The following ZNRF1 variants were observed in gnomAD, a reference collection of about 807,000 sequenced individuals.
ZNRF1 encodes the protein E3 ubiquitin-protein ligase ZNRF1.
Under a neutral mutation model 18.4 loss-of-function variants are expected in ZNRF1, and 3 were observed. The ratio of observed to expected loss-of-function variants is 0.16; its 90% CI spans 0.07 to 0.42. The LOEUF (loss-of-function observed/expected upper bound fraction) is 0.42. Among genes scored for constraint, ZNRF1 ranks in the 10% least tolerant of loss-of-function variants. The probability of loss-of-function intolerance (pLI) is 0.99; values close to 1 mark genes in which losing one functional copy is unlikely to be tolerated. For synonymous variants in ZNRF1, 157 were observed against 144.2 expected (o/e 1.09, Z -0.64); for missense variants, 310 against 329.8 (o/e 0.94, Z 0.47).
chr16:75,065,278 C>T (rs1455813110), intron 1 of ZNRF1, among the ~76,000 whole-genome samples: 1 of 152,190 alleles, frequency 6.6e-6, no homozygotes, highest in Admixed American at 6.5e-5. Flanking sequence ...GAGGCTCCTG[C>T]ACTGGGGTTT....
At chr16:75,037,154 A>C (rs1406454734) in intron 1 of ZNRF1, among the ~76,000 whole-genome samples, 1 of 152,254 alleles carries the variant, frequency 6.6e-6, no homozygotes, top group East Asian at 1.9e-4. Flanking sequence ...CATGATGAGC[A>C]GAATGGATGA....
At chr16:75,047,803 T>G (rs749239239) in intron 1 of ZNRF1, among the ~76,000 whole-genome samples, 9 of 152,208 alleles carry the variant, frequency 5.9e-5, no homozygotes, top group Non-Finnish European at 1.2e-4. Context: ...AAATGTATTT[T>G]CTCACAGTTC....
At chr16:75,081,538 A>G (rs2036012647) in intron 1 of ZNRF1, among the ~76,000 whole-genome samples, 1 of 152,134 alleles carries the variant, frequency 6.6e-6, no homozygotes, top group African/African-American at 2.4e-5. Context: ...AATTCAAGCC[A>G]CTCTAAGGAG....
At chr16:75,101,273 T>A (rs1415911097) in intron 2 of ZNRF1, among the ~76,000 whole-genome samples, 1 of 152,190 alleles carries the variant, frequency 6.6e-6, no homozygotes. Context: ...AACACCCTTA[T>A]TGCTGGGCGC....
rs34462287 is a variant in ZNRF1 at position 75,000,316 on chromosome 16, C to A, written c.424+221C>A. 341,489 of 735,756 alleles carry A rather than the reference C, an allele frequency of 0.46. 86,158 individuals are homozygous for A. Among genetic ancestry groups the A allele is most frequent in the Non-Finnish European group, 0.54 (227,478 of 418,638 alleles). The allele number at this position is 735,756 out of a possible 1,614,324, so 45.6% of individuals were successfully genotyped here. On this transcript the variant is annotated intron_variant, in intron 1 of 4. Coordinates refer to ENST00000335325, the MANE Select transcript of ZNRF1 (RefSeq NM_032268.5). ...GATTTAGGGACTCACGGCGTGTGTTCACTTGTGGAAGGGCAGAGCGAAGCC... is the reference window on the plus strand; with the variant it reads ...GATTTAGGGACTCACGGCGTGTGTTAACTTGTGGAAGGGCAGAGCGAAGCC...
In ZNRF1 at chr16:74,999,071, G is replaced by C. The variant is rs936904791; in HGVS notation, c.-601G>C. 6 of 149,942 alleles carry C rather than the reference G, an allele frequency of 4.0e-5. No homozygotes were observed. Among genetic ancestry groups the C allele is most frequent in the South Asian group, 2.0e-4 (1 of 5,010 alleles). The allele number at this position is 149,942 out of a possible 1,614,324, so 9.3% of individuals were successfully genotyped here. On this transcript the variant is annotated 5_prime_UTR_variant, in exon 1 of 5. Coordinates refer to ENST00000335325, the MANE Select transcript of ZNRF1 (RefSeq NM_032268.5). ...GCGCCGGCGAGCGCAGCCCGGGACCGAGCGGGGCGGCGCGGCTGGCGGGGC... is the reference window on the plus strand; with the variant it reads ...GCGCCGGCGAGCGCAGCCCGGGACCCAGCGGGGCGGCGCGGCTGGCGGGGC...
intron 1 of ZNRF1, among the ~76,000 whole-genome samples, chr16:75,086,980 G>T (rs1229432051): frequency 1.3e-5 from 2 of 152,156 alleles, no homozygotes; most frequent in Non-Finnish European, 2.9e-5. Context: ...AGGGAAACTG[G>T]AGCAACACGC....
intron 3 of ZNRF1, 71 bp from the exon 4 acceptor site, chr16:75,106,411 T>C (rs1397132875): frequency 7.0e-6 from 11 of 1,562,720 alleles, no homozygotes; most frequent in Non-Finnish European, 9.7e-6. Flanking sequence ...AATCTGGCCC[T>C]CTGAAAGAGC....
intron 1 of ZNRF1, among the ~76,000 whole-genome samples, chr16:75,076,087 T>C (rs937841257): frequency 1.1e-4 from 17 of 152,252 alleles, no homozygotes; most frequent in African/African-American, 2.9e-4. Flanking sequence ...TCATGAGATA[T>C]AGAGCCCTGG....
intron 1 of ZNRF1, among the ~76,000 whole-genome samples, chr16:75,025,104 G>A (rs1030580754): frequency 1.3e-5 from 2 of 152,070 alleles, no homozygotes; most frequent in Non-Finnish European, 2.9e-5. Flanking sequence ...GTTGCACTCT[G>A]TTGCCCAGGC....
chr16:75,014,744 C>A (rs2035045110), intron 1 of ZNRF1, among the ~76,000 whole-genome samples: 1 of 152,014 alleles, frequency 6.6e-6, no homozygotes, highest in Non-Finnish European at 1.5e-5. Context: ...GTGCTTATAC[C>A]AGTTTACACT....
intron 1 of ZNRF1, among the ~76,000 whole-genome samples, chr16:75,064,318 TTAAA>T: frequency 6.8e-6 from 1 of 146,980 alleles, no homozygotes; most frequent in South Asian, 2.2e-4. Context: ...ATAATAATAA[TTAAA>T]TAAACAAGAA....
intron 2 of ZNRF1, chr16:75,104,567 C>A: frequency 2.3e-6 from 1 of 434,470 alleles, no homozygotes; most frequent in Non-Finnish European, 4.2e-6. Flanking sequence ...AGATTAATCC[C>A]ATTTTGTCTT....
At chr16:75,007,459 C>T (rs1191589748) in intron 1 of ZNRF1, among the ~76,000 whole-genome samples, 2 of 152,150 alleles carry the variant, frequency 1.3e-5, no homozygotes, top group African/African-American at 4.8e-5. Flanking sequence ...CAGCTTTCCT[C>T]TGTTGGGAGA....
intron 1 of ZNRF1, among the ~76,000 whole-genome samples, chr16:75,042,841 G>C (rs550253197): frequency 6.6e-6 from 1 of 152,128 alleles, no homozygotes; most frequent in African/African-American, 2.4e-5. Context: ...CCTGAAATGG[G>C]CTCACTGCTC....
intron 1 of ZNRF1, among the ~76,000 whole-genome samples, chr16:75,007,983 G>A (rs1336161739): frequency 2.6e-5 from 4 of 152,126 alleles, no homozygotes; most frequent in Non-Finnish European, 4.4e-5. Context: ...TCAAGCCTTA[G>A]CCTCTGGAGT....
intron 1 of ZNRF1, among the ~76,000 whole-genome samples, chr16:75,020,138 T>C (rs1377584850): frequency 6.6e-6 from 1 of 152,226 alleles, no homozygotes; most frequent in East Asian, 1.9e-4. Context: ...CTCTTTAGAA[T>C]TGTTTCCTAG....
At chr16:75,053,003 C>T (rs1209894337) in intron 1 of ZNRF1, among the ~76,000 whole-genome samples, 1 of 152,188 alleles carries the variant, frequency 6.6e-6, no homozygotes, top group African/African-American at 2.4e-5. Flanking sequence ...CGCCCTCTGA[C>T]TTAGCTCCAT....
intron 1 of ZNRF1, among the ~76,000 whole-genome samples, chr16:75,019,127 CT>C (rs1429259770): frequency 7.2e-5 from 11 of 152,216 alleles, no homozygotes; most frequent in Non-Finnish European, 1.5e-4. Context: ...GATGGTGTCA[CT>C]GCATTCCAGC....
Sources: allele counts gnomAD v4.1 joint callset (sites outside exome capture counted in the v4.1 genomes callset), GRCh38; gene constraint gnomAD v4.1.1; transcripts MANE v1.5; gene names NCBI Gene and HGNC (gene_info 2026-07-23, HGNC 2026-07-21).